CNTN4: variants seen among roughly 807,000 people sequenced by gnomAD.
CNTN4 encodes contactin-4.
In CNTN4, 77 loss-of-function variants were observed where a neutral mutation model predicts 122.5. That is an observed-to-expected ratio of 0.63 (90% confidence interval 0.52 to 0.76). The LOEUF (loss-of-function observed/expected upper bound fraction) is 0.76, where lower values mean the gene tolerates loss of function less well. Ranked by LOEUF, CNTN4 falls within the 30% of genes least tolerant of loss-of-function variation. CNTN4 has a pLI of 0.00. For missense variants in CNTN4, 1,256 were observed against 1,259.1 expected, an observed-to-expected ratio of 1.00 and a Z score of 0.04; for synonymous variants, 512 against 447.0, an observed-to-expected ratio of 1.15 and a Z score of -1.83.
chr3:2,888,517 C>T (rs929078058), intron 10 of CNTN4, among the ~76,000 whole-genome samples: 1 of 152,062 alleles, frequency 6.6e-6, no homozygotes, highest in Non-Finnish European at 1.5e-5. Context: ...CATCACAGGG[C>T]CAAAACCTCC....
At chr3:2,292,589 A>G (rs1449328660) in intron 2 of CNTN4, among the ~76,000 whole-genome samples, 1 of 151,920 alleles carries the variant, frequency 6.6e-6, no homozygotes, top group Non-Finnish European at 1.5e-5. Flanking sequence ...TCTCCACTGT[A>G]CCCCAGGTTA....
intron 3 of CNTN4, among the ~76,000 whole-genome samples, chr3:2,567,384 C>A (rs1449414403): frequency 2.6e-5 from 4 of 151,960 alleles, no homozygotes; most frequent in Non-Finnish European, 4.4e-5. Flanking sequence ...CCGTGCCTGG[C>A]CTCAAGTCCA....
At chr3:2,615,283 CA>C (rs113905579) in intron 4 of CNTN4, among the ~76,000 whole-genome samples, 4 of 152,274 alleles carry the variant, frequency 2.6e-5, no homozygotes, top group African/African-American at 9.6e-5. Flanking sequence ...ATGAGAAAAG[CA>C]ACTAATTAAC....
chr3:2,359,616 T>C (rs1035321620), intron 3 of CNTN4, among the ~76,000 whole-genome samples: 27 of 152,160 alleles, frequency 1.8e-4, no homozygotes, highest in African/African-American at 6.3e-4. Context: ...CTAGGCTCAC[T>C]GCAAGCCCCG....
chr3:2,539,619 C>T (rs1221408601), intron 3 of CNTN4, among the ~76,000 whole-genome samples: 2 of 152,060 alleles, frequency 1.3e-5, no homozygotes, highest in Non-Finnish European at 2.9e-5. Flanking sequence ...CCCTTTACCA[C>T]GTAGACTTGA....
intron 5 of CNTN4, among the ~76,000 whole-genome samples, chr3:2,741,620 T>A (rs2149524758): frequency 6.6e-6 from 1 of 152,360 alleles, no homozygotes; most frequent in African/African-American, 2.4e-5. Flanking sequence ...CAAAGATTTT[T>A]AAATACTTTG....
chr3:2,849,194 C>A (rs149551549), intron 7 of CNTN4, among the ~76,000 whole-genome samples: 3 of 152,268 alleles, frequency 2.0e-5, no homozygotes, highest in African/African-American at 7.2e-5. Flanking sequence ...TGAATATATC[C>A]CACTATGTCC....
chr3:2,424,891 TC>T (rs1178646835), intron 3 of CNTN4, among the ~76,000 whole-genome samples: 3 of 152,236 alleles, frequency 2.0e-5, no homozygotes, highest in Admixed American at 6.5e-5. Context: ...TCTGTTCATA[TC>T]CTTTGCCCAC....
rs113302470 is a variant in CNTN4 at position 2,571,273 on chromosome 3, A to G, written c.-88-143A>G. 1.0e-4 allele frequency: 61 copies of G among 584,138 alleles called. 4 individuals are homozygous for G. Among genetic ancestry groups the G allele is most frequent in the African/African-American group, 8.8e-4 (47 of 53,556 alleles). The allele number at this position is 584,138 out of a possible 1,614,324, so 36.2% of individuals were successfully genotyped here. On this transcript the variant is annotated intron_variant, in intron 3 of 24. Coordinates refer to ENST00000418658, the MANE Select transcript of CNTN4 (RefSeq NM_175607.3). ...TAGGAGTCTTATTAGCTTTATATTC[A>G]TAATTTAACATGTCCCTTTCTTCCC...
intron 2 of CNTN4, among the ~76,000 whole-genome samples, chr3:2,124,999 G>A (rs2034050914): frequency 6.6e-6 from 1 of 152,118 alleles, no homozygotes; most frequent in Non-Finnish European, 1.5e-5. Flanking sequence ...AGATTTTTAA[G>A]TGCATAAAAC....
intron 13 of CNTN4, among the ~76,000 whole-genome samples, chr3:2,978,171 G>A (rs1559744149): frequency 1.3e-5 from 2 of 152,258 alleles, no homozygotes; most frequent in East Asian, 3.9e-4. Flanking sequence ...GTGTTGCTAT[G>A]GCAGCCATAG....
At chr3:2,583,807 T>G (rs539562478) in intron 4 of CNTN4, among the ~76,000 whole-genome samples, 1 of 152,322 alleles carries the variant, frequency 6.6e-6, no homozygotes, top group Admixed American at 6.5e-5. Flanking sequence ...TATCTGTGAT[T>G]TAGTCCATGA....
intron 2 of CNTN4, among the ~76,000 whole-genome samples, chr3:2,265,677 A>G (rs577976349): frequency 1.4e-4 from 21 of 152,124 alleles, no homozygotes; most frequent in African/African-American, 4.8e-4. Flanking sequence ...TTTTAGCAAT[A>G]TTAATTCTTC....
chr3:2,719,486 C>G (rs1220448212), intron 4 of CNTN4, among the ~76,000 whole-genome samples: 1 of 152,102 alleles, frequency 6.6e-6, no homozygotes, highest in African/African-American at 2.4e-5. Flanking sequence ...CAGGATTTCA[C>G]CATGTTGGTC....
At chr3:2,560,145 C>CTT (rs567883588) in intron 3 of CNTN4, among the ~76,000 whole-genome samples, 33,900 of 144,286 alleles carry the variant, frequency 0.23, 4,220 homozygotes, top group East Asian at 0.56. Context: ...TTTTCTTTTT[C>CTT]TTTTTTTTTT....
chr3:2,674,348 T>A (rs530824514), intron 4 of CNTN4, among the ~76,000 whole-genome samples: 1 of 152,192 alleles, frequency 6.6e-6, no homozygotes, highest in Non-Finnish European at 1.5e-5. Context: ...ATATATATAA[T>A]GTACAATGAT....
intron 3 of CNTN4, among the ~76,000 whole-genome samples, chr3:2,348,943 G>A (rs1404702798): frequency 1.3e-5 from 2 of 152,146 alleles, no homozygotes; most frequent in Non-Finnish European, 2.9e-5. Context: ...GAAACTATAT[G>A]CCTTAGATAA....
intron 3 of CNTN4, among the ~76,000 whole-genome samples, chr3:2,357,283 C>G (rs1228809054): frequency 6.6e-6 from 1 of 152,114 alleles, no homozygotes; most frequent in Non-Finnish European, 1.5e-5. Context: ...TTATTTCAGA[C>G]CTGAACAAAA....
In CNTN4 at chr3:3,008,749, T is replaced by C. The variant is rs373509833; in HGVS notation, c.1487-17353T>C. Among the ~76,000 whole-genome samples, 5 of 152,342 alleles carry C rather than the reference T, an allele frequency of 3.3e-5. 1 individual carries two copies. The highest frequency in any genetic ancestry group is 4.1e-4 in the South Asian group (2 of 4,824). ...ACCCAGATTTCTAGAGGCAACTAGC[T>C]ATAGCTTGATGCAAAAGTGTTGCAG... On this transcript the variant is annotated intron_variant, in intron 14 of 24. Transcript: ENST00000418658.
Sources: allele counts gnomAD v4.1 joint callset (sites outside exome capture counted in the v4.1 genomes callset), GRCh38; gene constraint gnomAD v4.1.1; transcripts MANE v1.5; gene names NCBI Gene and HGNC (gene_info 2026-07-23, HGNC 2026-07-21).